ZNF879: variants seen among roughly 807,000 people sequenced by gnomAD.
The protein encoded by ZNF879 is zinc finger protein 879.
In ZNF879, 32 loss-of-function variants were observed where a neutral mutation model predicts 44.3. That is an observed-to-expected ratio of 0.72 (90% confidence interval 0.54 to 0.97). The LOEUF (loss-of-function observed/expected upper bound fraction) is 0.97. ZNF879 is among the 50% of genes least tolerant of loss of function. The pLI, the probability that ZNF879 is intolerant of heterozygous loss-of-function variation, is 0.00. For synonymous variants in ZNF879, 234 were observed against 233.2 expected (o/e 1.00, Z -0.03); for missense variants, 621 against 669.7 (o/e 0.93, Z 0.80).
Position 179,033,333 on chromosome 5 carries a change from G to C in ZNF879, c.1385G>C (p.Gly462Ala). The C allele has an allele frequency of 6.4e-7, 1 of 1,570,546 alleles. No individual in the cohort carries two copies. Among genetic ancestry groups the C allele is most frequent in the Non-Finnish European group, 8.6e-7 (1 of 1,157,666 alleles). The change falls in exon 5 of 5, where the codon GGA becomes GCA. Residue 462 changes from glycine (G) to alanine (A), a missense_variant. Coordinates refer to ENST00000444149, the MANE Select transcript of ZNF879 (RefSeq NM_001136116.3). ...GEKPYNCKEC[G>A]KAFSSHSGVN... ...AAACCATATAATTGTAAGGAATGTG[G>C]AAAAGCCTTCAGTTCCCACTCAGGC...
At position 179,032,623 on chromosome 5, in the gene ZNF879, C is replaced by A. The variant is rs1460830848; in HGVS notation, c.675C>A (p.Ile225=). 1 of 1,566,776 alleles carries A rather than the reference C, an allele frequency of 6.4e-7. No individual in the cohort carries two copies. The highest frequency in any genetic ancestry group is 8.7e-7 in the Non-Finnish European group (1 of 1,155,844). ...HSSSLSKHQR[I]HTGEKLYKCK... ...CCTCCCTGAGTAAACACCAGAGAAT[C>A]CACACTGGAGAGAAGCTCTATAAAT... The change falls in exon 5 of 5, where the codon ATC becomes ATA. Residue 225 remains isoleucine (I), a synonymous_variant. Coordinates refer to ENST00000444149, the MANE Select transcript of ZNF879 (RefSeq NM_001136116.3).
intron 4 of ZNF879, 123 bp from the exon 5 acceptor site, chr5:179,032,081 CT>C (rs1761431514): frequency 7.5e-6 from 6 of 796,902 alleles, no homozygotes; most frequent in Non-Finnish European, 1.1e-5. Flanking sequence ...CCTTCCTCCT[CT>C]TCTTTTTCCC....
At chr5:179,025,568 G>A (rs11738515) in intron 2 of ZNF879, among the ~76,000 whole-genome samples, 9,519 of 152,314 alleles carry the variant, frequency 0.062, 342 homozygotes, top group East Asian at 0.12. Context: ...CTTTGTGAAA[G>A]ATCCAGGTGT....
chr5:179,032,418 G>T lies in ZNF879; in HGVS notation c.470G>T (p.Gly157Val). 1 of 1,551,540 alleles carries T rather than the reference G, an allele frequency of 6.4e-7. No individual in the cohort carries two copies. Among genetic ancestry groups the T allele is most frequent in the Non-Finnish European group, 8.7e-7 (1 of 1,146,932 alleles). Residue 157 changes from glycine (G) to valine (V), a missense_variant, in exon 5 of 5, where the codon GGT (glycine) becomes GTT (valine). Coordinates refer to ENST00000444149, the MANE Select transcript of ZNF879 (RefSeq NM_001136116.3). ...TACATGAAGGAGAGGAGCTTTAAAG[G>T]TGTTGAATTTGGGAAAAATCTTGGT... ...KVYMKERSFK[G>V]VEFGKNLGLK... is the part of the protein sequence containing the mutation.
Position 179,033,881 on chromosome 5 carries a change from T to C in ZNF879, c.*241T>C. ...ACCATGAAATGGAGAATTTTTAAGA[T>C]TGCAGGGTTAGTATTTGATTGTCTA... is the stretch of plus-strand genomic sequence containing the variant. On this transcript the variant is annotated 3_prime_UTR_variant, in exon 5 of 5. Transcript: ENST00000444149. 1 of 363,860 alleles carries C rather than the reference T, an allele frequency of 2.7e-6. No homozygotes were observed. Among genetic ancestry groups the C allele is most frequent in the Non-Finnish European group, 4.9e-6 (1 of 203,884 alleles). The allele number at this position is 363,860 out of a possible 1,614,324, so 22.5% of individuals were successfully genotyped here.
At chr5:179,027,946 C>A in intron 3 of ZNF879, 86 bp from the exon 4 acceptor site, 2 of 1,182,580 alleles carry the variant, frequency 1.7e-6, no homozygotes, top group African/African-American at 1.5e-5. Flanking sequence ...TCCTCCTTCC[C>A]TGTACTGCCC....
At chr5:179,027,131 T>C (rs925274424) in intron 2 of ZNF879, among the ~76,000 whole-genome samples, 2 of 152,190 alleles carry the variant, frequency 1.3e-5, no homozygotes, top group Admixed American at 6.5e-5. Context: ...CCTCAGTGAA[T>C]GTGCTGGTGC....
Position 179,028,119 on chromosome 5 carries a change from C to G in ZNF879, c.248C>G (p.Ala83Gly). The change falls in exon 4 of 5, where the codon GCA becomes GGA. Residue 83 changes from alanine (A) to glycine (G), a missense_variant. By Grantham distance (60) the Ala-to-Gly change is moderately conservative. Coordinates refer to ENST00000444149, the MANE Select transcript of ZNF879 (RefSeq NM_001136116.3). ...WMVESGVPQGAHLGWESLFGT... is the reference protein window; with the variant it reads ...WMVESGVPQGGHLGWESLFGT... ...GTGGAGAGTGGAGTTCCCCAAGGCG[C>G]ACATCTCGGTGAGTGACAGAGTAAT... The G allele has an allele frequency of 6.4e-7, 1 of 1,551,404 alleles. No homozygotes were observed. Among genetic ancestry groups the G allele is most frequent in the South Asian group, 1.2e-5 (1 of 84,042 alleles).
rs780539539 is a variant in ZNF879 at position 179,033,058 on chromosome 5, A to G, written c.1110A>G (p.Lys370=). 6.4e-6 allele frequency: 10 copies of G among 1,560,974 alleles called. No homozygotes were observed. The Admixed American group carries it at 9.7e-5, about 15-fold the overall frequency. Residue 370 remains lysine, a synonymous_variant, in exon 5 of 5, where the codon AAA becomes AAG. Transcript: ENST00000444149. ...ACCATCGAATTCATACTGGAGAGAA[A>G]CCCTTTCATTGTAACGAGTGTGGAA... ...SRHHRIHTGE[K]PFHCNECGKV... is the part of the protein sequence containing the mutation.
Position 179,033,199 on chromosome 5 carries a change from A to G in ZNF879, c.1251A>G (p.Gln417=), listed in dbSNP as rs1480710633. 3 of 1,595,720 alleles carry G rather than the reference A, an allele frequency of 1.9e-6. No homozygotes were observed. The East Asian group carries it at 6.9e-5, about 37-fold the overall frequency. ...KAFSQSSALI[Q]HQRIHTGEKP... ...TCAGCCAAAGCTCAGCTCTCATACA[A>G]CATCAAAGAATTCACACTGGAGAAA... Residue 417 remains glutamine, a synonymous_variant, in exon 5 of 5, where the codon CAA becomes CAG. Coordinates refer to ENST00000444149, the MANE Select transcript of ZNF879 (RefSeq NM_001136116.3).
At chr5:179,031,854 C>T (rs1761425875) in intron 4 of ZNF879, among the ~76,000 whole-genome samples, 1 of 152,218 alleles carries the variant, frequency 6.6e-6, no homozygotes, top group Non-Finnish European at 1.5e-5. Context: ...AGCCCCTCTG[C>T]AGTTTTTCCC....
rs1201410582 is a variant in ZNF879 at position 179,032,671 on chromosome 5, C to T, written c.723C>T (p.Phe241=). 1 of 1,566,150 alleles carries T rather than the reference C, an allele frequency of 6.4e-7. No homozygotes were observed. Among genetic ancestry groups the T allele is most frequent in the Non-Finnish European group, 8.7e-7 (1 of 1,155,492 alleles). The part of the protein sequence containing the change: ...LYKCKECRKA[F]SQSSSLTQHL... ...AATGTAAGGAATGTAGGAAAGCCTT[C>T]AGCCAAAGCTCATCCCTAACTCAGC... Residue 241 remains phenylalanine (F), a synonymous_variant, in exon 5 of 5, where the codon TTC becomes TTT. Coordinates refer to ENST00000444149, the MANE Select transcript of ZNF879 (RefSeq NM_001136116.3).
rs764612091 is a variant in ZNF879, at chr5:179,027,489, G to C, written c.50G>C (p.Arg17Thr). 24 of 1,614,142 alleles carry C rather than the reference G, an allele frequency of 1.5e-5. No homozygotes were observed. The South Asian group carries it at 2.6e-4, about 18-fold the overall frequency. Residue 17 changes from arginine (R) to threonine (T), a missense_variant, in exon 3 of 5, where the codon AGG becomes ACG. By Grantham distance (71) the Arg-to-Thr change is moderately conservative. Transcript: ENST00000444149. ...PAHVQESVTFRDVAVFFSQDE... is the reference protein window; with the variant it reads ...PAHVQESVTFTDVAVFFSQDE... The stretch of plus-strand genomic sequence containing the variant: ...CCATTCCAGGAGTCCGTGACGTTCA[G>C]GGATGTGGCCGTGTTCTTCAGCCAG...
rs1031446162 is a variant in ZNF879, at chr5:179,034,690, G to A, written c.*1050G>A. On this transcript the variant is annotated 3_prime_UTR_variant, in exon 5 of 5. Coordinates refer to ENST00000444149, the MANE Select transcript of ZNF879 (RefSeq NM_001136116.3). ...CAGATACTCTTTCTTCCAGCAAATG[G>A]ACTTACACTCTTCAACAAGTGATTT... The A allele has an allele frequency of 6.6e-6, 1 of 152,152 alleles. No homozygotes were observed. Among genetic ancestry groups the A allele is most frequent in the Non-Finnish European group, 1.5e-5 (1 of 68,040 alleles). The allele number at this position is 152,152 out of a possible 1,614,324, so 9.4% of individuals were successfully genotyped here.
chr5:179,033,026 A>G lies in ZNF879; in HGVS notation c.1078A>G (p.Ser360Gly), dbSNP rs1761476678. ...AGCCTTCACTTCAATATCGCGGCTAAGTAGGCACCATCGAATTCATACTGG... is the reference window on the plus strand; with the variant it reads ...AGCCTTCACTTCAATATCGCGGCTAGGTAGGCACCATCGAATTCATACTGG... The part of the protein sequence containing the change: ...GKAFTSISRL[S>G]RHHRIHTGEK... The change falls in exon 5 of 5, where the codon AGT (serine) becomes GGT (glycine). Residue 360 changes from serine (S) to glycine (G), a missense_variant. By Grantham distance (56) the Ser-to-Gly change is moderately conservative. Transcript: ENST00000444149. 6.4e-7 allele frequency: 1 copy of G among 1,557,518 alleles called. No homozygotes were observed. Among genetic ancestry groups the G allele is most frequent in the Non-Finnish European group, 8.7e-7 (1 of 1,150,652 alleles).
chr5:179,032,237 AAAG>A lies in ZNF879; in HGVS notation c.295_297del (p.Glu99del). 2.6e-6 allele frequency: 4 copies of A among 1,527,684 alleles called. No individual in the cohort carries two copies. Among genetic ancestry groups the A allele is most frequent in the Non-Finnish European group, 3.5e-6 (4 of 1,139,934 alleles). The allele number at this position is 1,527,684 out of a possible 1,614,324, so 94.6% of individuals were successfully genotyped here. ...AAGCTTGTTTGGAACCATAGTTTCT[AAAG>A]AAGAAAATCAGGAAGTCATGAAAAA... On this transcript the variant is annotated inframe_deletion, in exon 5 of 5. Transcript: ENST00000444149.
chr5:179,031,534 A>G lies in ZNF879; in HGVS notation c.257-671A>G, dbSNP rs1473497084. On this transcript the variant is annotated intron_variant, in intron 4 of 4. Transcript: ENST00000444149. ...ATCACCCAGTTTAAAATAGTTGCCT[A>G]TTCACTCTTATTACACAGTGCTTCG... Among the ~76,000 whole-genome samples the G allele has an allele frequency of 3.3e-5, 5 of 152,156 alleles. No homozygotes were observed. The East Asian group carries it at 5.8e-4, about 18-fold the overall frequency.
Position 179,032,379 on chromosome 5 carries a change from C to T in ZNF879, c.431C>T (p.Thr144Ile), listed in dbSNP as rs1002545180. Residue 144 changes from threonine (T) to isoleucine (I), a missense_variant, in exon 5 of 5, where the codon ACC becomes ATC. Physicochemically the swap from Thr to Ile is moderately conservative, Grantham distance 89. Coordinates refer to ENST00000444149, the MANE Select transcript of ZNF879 (RefSeq NM_001136116.3). Reference sequence around the variant, plus strand: ...AGACTTTTCAGTAAAGTGTTAGTTACCATCAAAAAAGTCTACATGAAGGAG... The same window carrying T: ...AGACTTTTCAGTAAAGTGTTAGTTATCATCAAAAAAGTCTACATGAAGGAG... ...KNRLFSKVLV[T>I]IKKVYMKERS... The T allele has an allele frequency of 7.7e-6, 12 of 1,550,680 alleles. No individual in the cohort carries two copies. The East Asian group carries it at 2.4e-4, about 32-fold the overall frequency.
At position 179,028,150 on chromosome 5, in the gene ZNF879, G is replaced by C. The variant is rs779017951; in HGVS notation, c.256+23G>C. On this transcript the variant is annotated intron_variant, in intron 4 of 4. Coordinates refer to ENST00000444149, the MANE Select transcript of ZNF879 (RefSeq NM_001136116.3). The stretch of plus-strand genomic sequence containing the variant: ...TCGGTGAGTGACAGAGTAATTGGGA[G>C]ATGGGCATAACATTTTCCCACTGCC... The C allele has an allele frequency of 9.7e-6, 15 of 1,546,552 alleles. No homozygotes were observed. In the South Asian group the frequency reaches 1.8e-4, roughly 18 times the overall value.
Sources: allele counts gnomAD v4.1 joint callset (sites outside exome capture counted in the v4.1 genomes callset), GRCh38; gene constraint gnomAD v4.1.1; transcripts MANE v1.5; gene names NCBI Gene and HGNC (gene_info 2026-07-23, HGNC 2026-07-21).